The following PGAP1 variants were observed in gnomAD, a reference collection of about 807,000 sequenced individuals.
The protein encoded by PGAP1 is post-GPI attachment to proteins inositol deacylase 1.
In PGAP1, 76 loss-of-function variants were observed where a neutral mutation model predicts 127.0. That is an observed-to-expected ratio of 0.60 (90% CI 0.50 to 0.72). The LOEUF (loss-of-function observed/expected upper bound fraction) is 0.72. Among genes scored for constraint, PGAP1 ranks in the 30% least tolerant of loss-of-function variants. PGAP1 has a pLI of 0.00. For synonymous variants in PGAP1, 362 were observed against 366.5 expected (o/e 0.99, Z 0.14); for missense variants, 982 against 1,071.3 (o/e 0.92, Z 1.16).
intron 24 of PGAP1, 62 bp downstream of exon 24, chr2:196,844,460 ACT>A (rs1700502561): frequency 8.6e-7 from 1 of 1,166,940 alleles, no homozygotes; most frequent in Non-Finnish European, 1.2e-6. Flanking sequence ...AAAAAAAAAA[ACT>A]CTTATATTTC....
At chr2:196,850,679 G>A (rs187411980) in intron 20 of PGAP1, among the ~76,000 whole-genome samples, 11 of 151,458 alleles carry the variant, frequency 7.3e-5, no homozygotes, top group African/African-American at 1.5e-4. Context: ...ACAGATGGAC[G>A]GTCAGAAGGA....
In PGAP1 at chr2:196,833,989, AG is replaced by A. The variant is rs1700166952; in HGVS notation, c.*7244del. ...TGTTTTAAAATATACTACATGAATG[AG>A]TTTATTAATTATTAAAAATAATTAT... On this transcript the variant is annotated 3_prime_UTR_variant, in exon 27 of 27. Transcript: ENST00000354764. The A allele has an allele frequency of 6.6e-6, 1 of 152,116 alleles. No homozygotes were observed. The highest frequency in any genetic ancestry group is 1.9e-4 in the East Asian group (1 of 5,190). 9.4% of individuals were successfully genotyped at this position (152,116 alleles called of 1,614,324 possible).
intron 19 of PGAP1, among the ~76,000 whole-genome samples, chr2:196,870,298 T>TC (rs1413868962): frequency 1.3e-5 from 2 of 151,296 alleles, no homozygotes; most frequent in Admixed American, 1.3e-4. Context: ...TTTCTTTCTT[T>TC]CTTTTTTTTT....
chr2:196,844,032 T>C lies in PGAP1; in HGVS notation c.2381A>G (p.His794Arg). 3.1e-6 allele frequency: 5 copies of C among 1,599,642 alleles called. No homozygotes were observed. The highest frequency in any genetic ancestry group is 4.3e-6 in the Non-Finnish European group (5 of 1,171,090). Residue 794 changes from histidine (H) to arginine (R), a missense_variant, in exon 25 of 27, where the codon CAT (histidine) becomes CGT (arginine). Coordinates refer to ENST00000354764, the MANE Select transcript of PGAP1 (RefSeq NM_024989.4). ...AAGATGGTGTATTGAGGAGTCTTTA[T>C]GATGATTGGATTTCTTTTCACTTCT... ...SRRSEKKSNH[H>R]KDSSIHHLRL...
Position 196,885,877 on chromosome 2 carries a change from T to C in PGAP1, c.1177A>G (p.Thr393Ala). The part of the protein sequence containing the change: ...HVYCQSTMLD[T>A]NSWIFACINS... ...ATGCAAGCAAAAATCCAACTATTTG[T>C]ATCCTGTTGATGAACAGCACAAAAC... Residue 393 changes from threonine to alanine, a missense_variant, in exon 11 of 27, where the codon ACA becomes GCA. Thr to Ala is a moderately conservative substitution (Grantham distance 58). Coordinates refer to ENST00000354764, the MANE Select transcript of PGAP1 (RefSeq NM_024989.4). 1 of 1,409,150 alleles carries C rather than the reference T, an allele frequency of 7.1e-7. No individual in the cohort carries two copies. The highest frequency in any genetic ancestry group is 2.7e-5 in the East Asian group (1 of 37,620). The allele number at this position is 1,409,150 out of a possible 1,614,324, so 87.3% of individuals were successfully genotyped here.
chr2:196,881,916 A>G (rs1701746205), intron 12 of PGAP1, among the ~76,000 whole-genome samples: 1 of 151,950 alleles, frequency 6.6e-6, no homozygotes, highest in Non-Finnish European at 1.5e-5. Context: ...ACATCATGAA[A>G]TCTTTGCCCA....
At chr2:196,874,026 T>A (rs1295019591) in intron 14 of PGAP1, 1 of 285,278 alleles carries the variant, frequency 3.5e-6, no homozygotes, top group Admixed American at 4.7e-5. Context: ...TCTTGGTAGA[T>A]CTTTTATTTT....
chr2:196,881,028 C>T (rs1285488953), intron 12 of PGAP1, among the ~76,000 whole-genome samples: 2 of 152,130 alleles, frequency 1.3e-5, no homozygotes, highest in Non-Finnish European at 2.9e-5. Flanking sequence ...TCCTACTCTC[C>T]ACCCTCCAAT....
chr2:196,912,697 A>G (rs1702870300), intron 4 of PGAP1, among the ~76,000 whole-genome samples, 185 bp downstream of exon 4: 1 of 152,072 alleles, frequency 6.6e-6, no homozygotes, highest in Admixed American at 6.6e-5. Context: ...CAGTAGTTTC[A>G]ATTATAAGCC....
rs11312715 is a variant in PGAP1 at position 196,903,560 on chromosome 2, CAAA to C, written c.650-821_650-819del. 7.2e-3 allele frequency among the ~76,000 whole-genome samples: 570 copies of C among 79,308 alleles called. 3 individuals carry two copies. The highest frequency in any genetic ancestry group is 0.024 in the African/African-American group (542 of 22,326). 52.0% of individuals were successfully genotyped at this position (79,308 alleles called of 152,430 possible). A position where few individuals can be genotyped will look rare whatever the true frequency, so the allele number is the denominator to read the frequency against. On this transcript the variant is annotated intron_variant, in intron 4 of 26. Transcript: ENST00000354764. ...TGGGCAACAGAGCGAGACTCTGTCTCAAAAAAAAAAAAAAAAAAAAAGAAAAGA... is the reference window on the plus strand; with the variant it reads ...TGGGCAACAGAGCGAGACTCTGTCTCAAAAAAAAAAAAAAAAAAGAAAAGA...
At chr2:196,902,858 TAA>T (rs987434047) in intron 4 of PGAP1, 116 bp from the exon 5 acceptor site, 10 of 663,938 alleles carry the variant, frequency 1.5e-5, no homozygotes, top group Non-Finnish European at 2.4e-5. Context: ...ATTTCATCTA[TAA>T]ACAGTTGAGT....
At chr2:196,920,239 G>T in intron 1 of PGAP1, 89 bp from the exon 2 acceptor site, 1 of 1,118,158 alleles carries the variant, frequency 8.9e-7, no homozygotes. Flanking sequence ...ACGCAAATTT[G>T]AAATAGTGCA....
At chr2:196,896,851 A>G (rs978534422) in intron 7 of PGAP1, among the ~76,000 whole-genome samples, 1 of 150,262 alleles carries the variant, frequency 6.7e-6, no homozygotes, top group African/African-American at 2.4e-5. Context: ...AAAAAAAAAA[A>G]GGAAGGATAT....
At chr2:196,861,488 C>T (rs1198854657) in intron 20 of PGAP1, among the ~76,000 whole-genome samples, 1 of 152,136 alleles carries the variant, frequency 6.6e-6, no homozygotes, top group Non-Finnish European at 1.5e-5. Flanking sequence ...CAAACAAATA[C>T]TCTAATTTTA....
At chr2:196,866,694 A>G (rs1264210414) in intron 19 of PGAP1, among the ~76,000 whole-genome samples, 1 of 152,066 alleles carries the variant, frequency 6.6e-6, no homozygotes, top group Non-Finnish European at 1.5e-5. Context: ...AACCTACAGA[A>G]TGGGGGAAAA....
chr2:196,853,963 C>T (rs1700796509), intron 20 of PGAP1, among the ~76,000 whole-genome samples: 1 of 141,810 alleles, frequency 7.1e-6, no homozygotes, highest in African/African-American at 2.7e-5. Context: ...CAATCATGGT[C>T]CACTGTAGCC....
At chr2:196,912,580 TAAAA>T (rs531959600) in intron 4 of PGAP1, among the ~76,000 whole-genome samples, 10 of 82,482 alleles carry the variant, frequency 1.2e-4, no homozygotes, top group Admixed American at 1.0e-3. Context: ...ACCCTGTCTT[TAAAA>T]AAAAAAAAAA....
rs543675965 is a variant in PGAP1, at chr2:196,895,385, C to T, written c.927+1746G>A. 7.9e-5 allele frequency among the ~76,000 whole-genome samples: 12 copies of T among 152,288 alleles called. 1 individual carries two copies. The South Asian group carries it at 2.3e-3, about 29-fold the overall frequency. On this transcript the variant is annotated intron_variant, in intron 7 of 26. Transcript: ENST00000354764. ...TAAGGTTTTTCTTAAGTTTACCAAACGTCAGTTGAAGTAAAAACTGGTCTA... is the reference window on the plus strand; with the variant it reads ...TAAGGTTTTTCTTAAGTTTACCAAATGTCAGTTGAAGTAAAAACTGGTCTA...
Position 196,847,214 on chromosome 2 carries a change from A to C in PGAP1, c.1953-14T>G, listed in dbSNP as rs756037783. On this transcript the variant is annotated splice_polypyrimidine_tract_variant and intron_variant, in intron 21 of 26. Coordinates refer to ENST00000354764, the MANE Select transcript of PGAP1 (RefSeq NM_024989.4). Reference sequence around the variant, plus strand: ...AACCATTTATACCTGTGGAGAAAAGAAAATATAAAAGCAAAAAACCCAACA... The same window carrying C: ...AACCATTTATACCTGTGGAGAAAAGCAAATATAAAAGCAAAAAACCCAACA... The C allele has an allele frequency of 3.0e-5, 47 of 1,586,886 alleles. No individual in the cohort carries two copies. The highest frequency in any genetic ancestry group is 3.3e-5 in the Non-Finnish European group (38 of 1,166,974).
Sources: gnomAD v4.1 joint callset for allele counts (sites outside exome capture counted in the v4.1 genomes callset) on GRCh38, gnomAD v4.1.1 for gene constraint, MANE v1.5 for transcripts, NCBI Gene and HGNC (gene_info 2026-07-23, HGNC 2026-07-21) for gene names.